The following NDE1 variants were observed in gnomAD, a reference collection of about 807,000 sequenced individuals.
The protein encoded by NDE1 is nudE neurodevelopment protein 1.
In NDE1, 28 loss-of-function variants were observed where a neutral mutation model predicts 43.4. The observed-to-expected ratio is 0.65, with a 90% CI of 0.48 to 0.89. The LOEUF (loss-of-function observed/expected upper bound fraction) is 0.89, where lower values mean the gene tolerates loss of function less well. Among genes scored for constraint, NDE1 ranks in the 40% least tolerant of loss-of-function variants. The probability of loss-of-function intolerance (pLI) is 0.00; values close to 1 mark genes in which losing one functional copy is unlikely to be tolerated. For synonymous variants in NDE1, 184 were observed against 172.0 expected (o/e 1.07, Z -0.55); for missense variants, 441 against 434.1 (o/e 1.02, Z -0.14).
rs28505375 is a variant in NDE1 at position 15,715,260 on chromosome 16, C to T, written c.948-8931C>T. The stretch of plus-strand genomic sequence containing the variant: ...CTTTCTGCTTCAGCGACTTGGTGGC[C>T]GCCTGTTTCTCTCTGCAAACAGCAA... On this transcript the variant is annotated intron_variant, in intron 8 of 8. Coordinates refer to ENST00000396354, the MANE Select transcript of NDE1 (RefSeq NM_017668.3). 45,976 of 1,613,830 alleles carry T rather than the reference C, an allele frequency of 0.028. 2,374 individuals carry two copies. The highest frequency in any genetic ancestry group is 0.23 in the African/African-American group (17,334 of 74,928).
chr16:15,645,174 C>G (rs2036307100), intron 1 of NDE1, among the ~76,000 whole-genome samples: 1 of 152,136 alleles, frequency 6.6e-6, no homozygotes, highest in Admixed American at 6.5e-5. Flanking sequence ...CCCGCCTCGG[C>G]CTCTTTAGGA....
rs565689564 is a variant in NDE1 at position 15,711,854 on chromosome 16, G to A, written c.948-12337G>A. On this transcript the variant is annotated intron_variant, in intron 8 of 8. Coordinates refer to ENST00000396354, the MANE Select transcript of NDE1 (RefSeq NM_017668.3). ...ATTACAGGCACGCCCCACCATACCC[G>A]GCTAATTTTTGTGTTTTTAGTAGAG... is the stretch of plus-strand genomic sequence containing the variant. 5.3e-5 allele frequency among the ~76,000 whole-genome samples: 8 copies of A among 152,122 alleles called. No individual in the cohort carries two copies. The East Asian group carries it at 5.8e-4, about 11-fold the overall frequency.
chr16:15,709,732 T>G (rs918659105), intron 8 of NDE1, among the ~76,000 whole-genome samples: 1 of 152,214 alleles, frequency 6.6e-6, no homozygotes, highest in Non-Finnish European at 1.5e-5. Context: ...CAAGCTAGTT[T>G]GAGAAATCAG....
chr16:15,720,970 C>T lies in NDE1; in HGVS notation c.948-3221C>T, dbSNP rs372598970. On this transcript the variant is annotated intron_variant, in intron 8 of 8. Transcript: ENST00000396354. ...TTGGCGTCCTCCGTGGCTTGCAGCT[C>T]GTCCTCCAGCTCTTCCAGCTGCGTC... is the stretch of plus-strand genomic sequence containing the variant. 26 of 1,613,960 alleles carry T rather than the reference C, an allele frequency of 1.6e-5. 1 individual carries two copies. Among genetic ancestry groups the T allele is most frequent in the South Asian group, 1.4e-4 (13 of 91,076 alleles).
Position 15,667,239 on chromosome 16 carries a change from C to T in NDE1, c.84-47C>T, listed in dbSNP as rs377481347. On this transcript the variant is annotated intron_variant, in intron 2 of 8. Transcript: ENST00000396354. ...GCAGCCTGGGTGATAGAGCGAGACTCTGTCTTCAAAAATATTACTACGTGA... is the reference window on the plus strand; with the variant it reads ...GCAGCCTGGGTGATAGAGCGAGACTTTGTCTTCAAAAATATTACTACGTGA... The T allele has an allele frequency of 2.4e-5, 38 of 1,606,782 alleles. 1 individual carries two copies. In the African/African-American group the frequency reaches 3.5e-4, roughly 15 times the overall value.
intron 8 of NDE1, among the ~76,000 whole-genome samples, chr16:15,715,439 A>G (rs1030814240): frequency 4.6e-5 from 7 of 152,188 alleles, no homozygotes; most frequent in Admixed American, 2.0e-4. Context: ...AAAGGAATAA[A>G]GTATCAATGC....
intron 4 of NDE1, chr16:15,686,930 C>G: frequency 2.1e-6 from 2 of 966,312 alleles, no homozygotes; most frequent in African/African-American, 1.8e-5. Flanking sequence ...CTCCTGATCT[C>G]AGGTCTTCCA....
intron 4 of NDE1, among the ~76,000 whole-genome samples, chr16:15,682,015 G>A (rs981205587): frequency 6.6e-6 from 1 of 152,124 alleles, no homozygotes; most frequent in African/African-American, 2.4e-5. Context: ...TTAGCCAAGT[G>A]TTTTCTTGTA....
intron 3 of NDE1, among the ~76,000 whole-genome samples, chr16:15,671,528 G>A (rs1025526868): frequency 6.6e-6 from 1 of 151,946 alleles, no homozygotes; most frequent in Non-Finnish European, 1.5e-5. Context: ...CTGAGTAGTG[G>A]TTGTTTAGAA....
In NDE1 at chr16:15,667,417, G is replaced by C. The variant is rs139632459; in HGVS notation, c.215G>C (p.Arg72Pro). 1.2e-6 allele frequency: 2 copies of C among 1,613,794 alleles called. No homozygotes were observed. The highest frequency in any genetic ancestry group is 8.5e-7 in the Non-Finnish European group (1 of 1,179,846). ...CTCCTGTCCGAAAATAACCGCCTTC[G>C]CATGGAGCTGGAAACCATCAAGGTG... Reference protein sequence around the residue: ...RDLLSENNRLRMELETIKEKF... With the variant: ...RDLLSENNRLPMELETIKEKF... Residue 72 changes from arginine (R) to proline (P), a missense_variant, in exon 3 of 9, where the codon CGC (arginine) becomes CCC (proline). Transcript: ENST00000396354.
rs932017966 is a variant in NDE1, at chr16:15,688,894, C to T, written c.523+1383C>T. On this transcript the variant is annotated intron_variant, in intron 5 of 8. Coordinates refer to ENST00000396354, the MANE Select transcript of NDE1 (RefSeq NM_017668.3). ...TATATTTTTAATAGAGATGGGGTTT[C>T]ACCATGTTGGCCAGGCTGGTCTTGA... 2.0e-5 allele frequency among the ~76,000 whole-genome samples: 3 copies of T among 151,260 alleles called. No individual in the cohort carries two copies. In the East Asian group the frequency reaches 6.1e-4, roughly 31 times the overall value.
At chr16:15,714,573 A>G (rs1194786015) in intron 8 of NDE1, 16 of 452,010 alleles carry the variant, frequency 3.5e-5, no homozygotes, top group South Asian at 7.3e-5. Flanking sequence ...TGCAGCTTCA[A>G]TGGATGTCGT....
At chr16:15,719,766 C>G in intron 8 of NDE1, 2 of 1,612,602 alleles carry the variant, frequency 1.2e-6, no homozygotes, top group Non-Finnish European at 8.5e-7. Context: ...CCCCCAAGTT[C>G]TGCTGCCCAG....
At chr16:15,713,721 G>A (rs748842384) in intron 8 of NDE1, 2 of 152,270 alleles carry the variant, frequency 1.3e-5, no homozygotes, top group Non-Finnish European at 1.5e-5. Flanking sequence ...TGAGCTCAAA[G>A]CGATTCACCT....
At chr16:15,715,409 G>A in intron 8 of NDE1, 1 of 773,268 alleles carries the variant, frequency 1.3e-6, no homozygotes, top group Non-Finnish European at 2.3e-6. Flanking sequence ...GTCAGATGGT[G>A]GAATAGTATT....
chr16:15,663,009 C>A (rs911525299), intron 1 of NDE1, among the ~76,000 whole-genome samples: 7 of 152,198 alleles, frequency 4.6e-5, no homozygotes, highest in African/African-American at 1.7e-4. Context: ...TCACTCTCTT[C>A]CCTAACTTTC....
intron 1 of NDE1, among the ~76,000 whole-genome samples, chr16:15,656,941 C>T (rs2036797040): frequency 6.6e-6 from 1 of 152,120 alleles, no homozygotes; most frequent in Admixed American, 6.6e-5. Flanking sequence ...ATGCAGGGGC[C>T]TGATCACATT....
intron 4 of NDE1, among the ~76,000 whole-genome samples, chr16:15,685,550 C>T (rs1389734907): frequency 6.6e-6 from 1 of 152,128 alleles, no homozygotes; most frequent in East Asian, 1.9e-4. Flanking sequence ...TGTGCTTGTC[C>T]CTTTGTTGTT....
chr16:15,718,368 C>G, intron 8 of NDE1: 3 of 1,607,504 alleles, frequency 1.9e-6, no homozygotes, highest in Non-Finnish European at 2.5e-6. Context: ...TTGCCCTGCT[C>G]CTCCTCCAGC....
Sources: allele counts gnomAD v4.1 joint callset (sites outside exome capture counted in the v4.1 genomes callset), GRCh38; gene constraint gnomAD v4.1.1; transcripts MANE v1.5; gene names NCBI Gene and HGNC (gene_info 2026-07-23, HGNC 2026-07-21).